Variants in CNTN5 observed in about 807,000 individuals in gnomAD.
CNTN5 encodes the protein contactin 5.
In CNTN5, 77 loss-of-function variants were observed where a neutral mutation model predicts 129.1. The observed-to-expected ratio is 0.60, with a 90% CI of 0.50 to 0.72. The LOEUF (loss-of-function observed/expected upper bound fraction) is 0.72. Among genes scored for constraint, CNTN5 ranks in the 30% least tolerant of loss-of-function variants. The pLI, the probability that CNTN5 is intolerant of heterozygous loss-of-function variation, is 0.00. For missense variants in CNTN5, 1,478 were observed against 1,328.8 expected (o/e 1.11, Z -1.75); for synonymous variants, 509 against 465.6 (o/e 1.09, Z -1.20).
chr11:99,957,663 A>G (rs551452815), intron 8 of CNTN5, among the ~76,000 whole-genome samples: 33 of 138,810 alleles, frequency 2.4e-4, no homozygotes, highest in Admixed American at 2.1e-3. Flanking sequence ...TTGCTCTGTC[A>G]TGCAGCAAAA....
At chr11:99,495,751 T>C (rs912935549) in intron 2 of CNTN5, among the ~76,000 whole-genome samples, 1 of 152,116 alleles carries the variant, frequency 6.6e-6, no homozygotes, top group Non-Finnish European at 1.5e-5. Context: ...AGTGTTTTAA[T>C]CCAGAAGAGC....
chr11:99,126,028 C>T (rs1039792392), intron 1 of CNTN5, among the ~76,000 whole-genome samples: 2 of 152,010 alleles, frequency 1.3e-5, no homozygotes, highest in Admixed American at 6.6e-5. Context: ...ATTCTAAATT[C>T]TTATTATTTA....
chr11:99,313,602 T>A (rs1022743463), intron 1 of CNTN5, among the ~76,000 whole-genome samples: 1 of 152,094 alleles, frequency 6.6e-6, no homozygotes, highest in Admixed American at 6.6e-5. Context: ...ATGCTCTGTA[T>A]ACGAAATAAA....
At position 99,619,915 on chromosome 11, in the gene CNTN5, A is replaced by G. The variant is rs946353254; in HGVS notation, c.55+63646A>G. 3.3e-5 allele frequency among the ~76,000 whole-genome samples: 5 copies of G among 151,112 alleles called. No homozygotes were observed. In the East Asian group the frequency reaches 7.8e-4, roughly 24 times the overall value. On this transcript the variant is annotated intron_variant, in intron 3 of 24. Coordinates refer to ENST00000524871, the MANE Select transcript of CNTN5 (RefSeq NM_014361.4). ...GTGGCGGGCGCCTGTAGTCCCAGCT[A>G]CTCGGAAGGCTGAGGCAGGAGAATG...
intron 2 of CNTN5, among the ~76,000 whole-genome samples, chr11:99,364,712 G>A (rs1373974234): frequency 6.6e-6 from 1 of 152,064 alleles, no homozygotes; most frequent in Non-Finnish European, 1.5e-5. Context: ...TCATTTGTCG[G>A]TACGATTAAA....
intron 3 of CNTN5, among the ~76,000 whole-genome samples, chr11:99,706,057 C>T (rs968898245): frequency 6.6e-6 from 1 of 151,364 alleles, no homozygotes; most frequent in African/African-American, 2.4e-5. Flanking sequence ...AATAACTGAG[C>T]TCTGTTGGCT....
At chr11:99,147,327 A>G (rs995448088) in intron 1 of CNTN5, among the ~76,000 whole-genome samples, 2 of 152,186 alleles carry the variant, frequency 1.3e-5, no homozygotes, top group African/African-American at 2.4e-5. Context: ...TTTTTCTGCT[A>G]TATTTACAAT....
intron 1 of CNTN5, among the ~76,000 whole-genome samples, chr11:99,111,682 G>T (rs933091245): frequency 1.4e-4 from 22 of 151,742 alleles, no homozygotes; most frequent in African/African-American, 1.5e-4. Flanking sequence ...TAAAATGTTT[G>T]CACTGGAGTT....
At chr11:100,011,328 A>G (rs1015833934) in intron 9 of CNTN5, among the ~76,000 whole-genome samples, 1 of 152,134 alleles carries the variant, frequency 6.6e-6, no homozygotes, top group Non-Finnish European at 1.5e-5. Context: ...CCCAATACAC[A>G]AGGGCAAACA....
intron 1 of CNTN5, among the ~76,000 whole-genome samples, chr11:99,081,979 T>C (rs1215262649): frequency 6.6e-6 from 1 of 151,234 alleles, no homozygotes; most frequent in Middle Eastern, 3.4e-3. Flanking sequence ...TAAAAATCTA[T>C]GTAATGAACT....
chr11:99,755,820 T>C (rs1944387863), intron 3 of CNTN5, among the ~76,000 whole-genome samples: 1 of 152,104 alleles, frequency 6.6e-6, no homozygotes, highest in African/African-American at 2.4e-5. Flanking sequence ...AGTATATTTT[T>C]ATACTGAAGA....
intron 2 of CNTN5, among the ~76,000 whole-genome samples, chr11:99,481,560 T>C (rs1945601984): frequency 6.6e-6 from 1 of 152,186 alleles, no homozygotes; most frequent in Non-Finnish European, 1.5e-5. Context: ...GATGCTGTTA[T>C]TCCACTGAGT....
chr11:99,712,097 A>C (rs1040514825), intron 3 of CNTN5, among the ~76,000 whole-genome samples: 1 of 152,108 alleles, frequency 6.6e-6, no homozygotes, highest in Non-Finnish European at 1.5e-5. Context: ...CACTCCCACC[A>C]ACAGTGTAAA....
intron 2 of CNTN5, among the ~76,000 whole-genome samples, chr11:99,546,900 G>A (rs1362002885): frequency 6.6e-6 from 1 of 152,072 alleles, no homozygotes; most frequent in Non-Finnish European, 1.5e-5. Context: ...TTCTGACAAA[G>A]CTAGATATTT....
At chr11:99,665,241 T>C (rs76020271) in intron 3 of CNTN5, among the ~76,000 whole-genome samples, 1,866 of 152,228 alleles carry the variant, frequency 0.012, 39 homozygotes, top group African/African-American at 0.042. Flanking sequence ...AAAAGAAATA[T>C]GTGAAATTCA....
At position 100,331,543 on chromosome 11, in the gene CNTN5, C is replaced by G. The variant is rs186098347; in HGVS notation, c.2731-8920C>G. On this transcript the variant is annotated intron_variant, in intron 21 of 24. Coordinates refer to ENST00000524871, the MANE Select transcript of CNTN5 (RefSeq NM_014361.4). Reference sequence around the variant, plus strand: ...ACTCCAGAATGTACATTCTGTTCATCAGCACACAGAACATCCTCCAAGATA... The same window carrying G: ...ACTCCAGAATGTACATTCTGTTCATGAGCACACAGAACATCCTCCAAGATA... Among the ~76,000 whole-genome samples the G allele has an allele frequency of 1.6e-3, 248 of 152,210 alleles. 2 individuals are homozygous for G. The highest frequency in any genetic ancestry group is 3.0e-3 in the Non-Finnish European group (205 of 67,968).
At chr11:99,875,540 T>C (rs981502113) in intron 6 of CNTN5, among the ~76,000 whole-genome samples, 23 of 152,166 alleles carry the variant, frequency 1.5e-4, no homozygotes, top group African/African-American at 5.5e-4. Flanking sequence ...ATGTGGATGA[T>C]ATGTGTACAT....
chr11:99,490,504 T>C (rs761309111), intron 2 of CNTN5, among the ~76,000 whole-genome samples: 1 of 152,200 alleles, frequency 6.6e-6, no homozygotes, highest in Non-Finnish European at 1.5e-5. Flanking sequence ...AGTCAAATAA[T>C]AGATTATTTT....
chr11:99,602,408 T>C (rs75149143), intron 3 of CNTN5, among the ~76,000 whole-genome samples: 6,935 of 152,170 alleles, frequency 0.046, 213 homozygotes, highest in South Asian at 0.11. Flanking sequence ...TTTACATTCA[T>C]ATGAACTCAA....
Sources: gnomAD v4.1 joint callset for allele counts (sites outside exome capture counted in the v4.1 genomes callset) on GRCh38, gnomAD v4.1.1 for gene constraint, MANE v1.5 for transcripts, NCBI Gene and HGNC (gene_info 2026-07-23, HGNC 2026-07-21) for gene names.